The following NRG1 variants were observed in gnomAD, a reference collection of about 807,000 sequenced individuals.
The protein encoded by NRG1 is pro-neuregulin-1, membrane-bound isoform.
Under a neutral mutation model 63.8 loss-of-function variants are expected in NRG1, and 18 were observed. The observed-to-expected ratio is 0.28, with a 90% CI of 0.19 to 0.42. The LOEUF (loss-of-function observed/expected upper bound fraction) is 0.42. NRG1 is among the 10% of genes least tolerant of loss of function. The probability of loss-of-function intolerance (pLI) is 1.00; values close to 1 mark genes in which losing one functional copy is unlikely to be tolerated. For synonymous variants in NRG1, 302 were observed against 301.3 expected (o/e 1.00, Z -0.02); for missense variants, 762 against 814.7 (o/e 0.94, Z 0.79).
At chr8:31,876,278 C>A (rs1248176560) in intron 1 of NRG1, among the ~76,000 whole-genome samples, 1 of 152,146 alleles carries the variant, frequency 6.6e-6, no homozygotes, top group Non-Finnish European at 1.5e-5. Flanking sequence ...TATTGTGAAA[C>A]TTCAGTTTCC....
intron 1 of NRG1, among the ~76,000 whole-genome samples, chr8:31,653,262 C>T (rs1318429868): frequency 6.6e-6 from 1 of 151,940 alleles, no homozygotes; most frequent in African/African-American, 2.4e-5. Context: ...TGACTTGTGG[C>T]AAGTACTATG....
rs572895504 is a variant in NRG1 at position 32,565,470 on chromosome 8, T to A, written c.100+16644T>A. On this transcript the variant is annotated intron_variant, in intron 1 of 11. Transcript: ENST00000356819. The stretch of plus-strand genomic sequence containing the variant: ...GGACCTTCTTTCTCTGAACACTGGT[T>A]CTTTTTACTTCCCTCACGTTTCCCA... 3.9e-5 allele frequency among the ~76,000 whole-genome samples: 6 copies of A among 152,268 alleles called. No homozygotes were observed. The South Asian group carries it at 6.2e-4, about 16-fold the overall frequency.
intron 1 of NRG1, among the ~76,000 whole-genome samples, chr8:32,508,439 T>G (rs1828799360): frequency 6.6e-6 from 1 of 150,470 alleles, no homozygotes; most frequent in Non-Finnish European, 1.5e-5. Context: ...TACAGGTACC[T>G]GCCACCATAC....
chr8:31,730,931 A>G (rs1218462266), intron 1 of NRG1, among the ~76,000 whole-genome samples: 1 of 152,170 alleles, frequency 6.6e-6, no homozygotes, highest in East Asian at 1.9e-4. Context: ...ATTAATATAC[A>G]GGAAAAACAG....
chr8:32,366,377 C>A (rs1300299525), intron 1 of NRG1, among the ~76,000 whole-genome samples: 1 of 151,964 alleles, frequency 6.6e-6, no homozygotes, highest in Non-Finnish European at 1.5e-5. Flanking sequence ...CCTCTAGTAA[C>A]TACCATTTTA....
At chr8:32,221,847 AT>A (rs981514164) in intron 1 of NRG1, among the ~76,000 whole-genome samples, 6 of 151,632 alleles carry the variant, frequency 4.0e-5, no homozygotes, top group South Asian at 4.2e-4. Context: ...ATATCTTTAT[AT>A]TTTTTTTGCT....
At chr8:32,400,053 A>C (rs1269861562) in intron 1 of NRG1, among the ~76,000 whole-genome samples, 1 of 152,186 alleles carries the variant, frequency 6.6e-6, no homozygotes, top group Non-Finnish European at 1.5e-5. Flanking sequence ...TTGAGGTACC[A>C]ATACCAGTTT....
chr8:32,183,746 C>T (rs1205510758), intron 1 of NRG1, among the ~76,000 whole-genome samples: 1 of 152,132 alleles, frequency 6.6e-6, no homozygotes, highest in African/African-American at 2.4e-5. Flanking sequence ...AAGCTTATTA[C>T]CCATAAATCA....
chr8:31,977,671 A>T (rs1435174011), intron 1 of NRG1, among the ~76,000 whole-genome samples: 1 of 152,154 alleles, frequency 6.6e-6, no homozygotes, highest in East Asian at 1.9e-4. Flanking sequence ...TAGTAAACTA[A>T]AAATGAATGG....
At chr8:32,570,245 A>G (rs945394013) in intron 1 of NRG1, among the ~76,000 whole-genome samples, 10 of 152,080 alleles carry the variant, frequency 6.6e-5, no homozygotes, top group African/African-American at 2.4e-4. Context: ...TATAACATGC[A>G]TGTTCTGCTG....
intron 1 of NRG1, among the ~76,000 whole-genome samples, chr8:32,386,589 C>T (rs951952714): frequency 2.6e-5 from 4 of 152,240 alleles, no homozygotes; most frequent in Middle Eastern, 3.4e-3. Context: ...ATGGACAAAA[C>T]GGACAAACCT....
At chr8:32,181,807 C>T (rs1563880269) in intron 1 of NRG1, among the ~76,000 whole-genome samples, 1 of 151,718 alleles carries the variant, frequency 6.6e-6, no homozygotes, top group Non-Finnish European at 1.5e-5. Context: ...CAGAGATCAC[C>T]AGCACAAAAA....
intron 1 of NRG1, among the ~76,000 whole-genome samples, chr8:31,932,296 A>G (rs1045846576): frequency 1.3e-5 from 2 of 152,064 alleles, no homozygotes; most frequent in Admixed American, 6.6e-5. Flanking sequence ...CATCTCGCAA[A>G]TTTTCCGTAT....
downstream of NRG1, among the ~76,000 whole-genome samples, chr8:32,771,186 C>T (rs1468857157): frequency 2.0e-5 from 3 of 151,696 alleles, no homozygotes; most frequent in African/African-American, 7.3e-5. Context: ...TTTTAGCTCA[C>T]TGCAACCTGT....
chr8:31,648,124 CTTTTTTTTTTTTT>C (rs36074483), intron 1 of NRG1, among the ~76,000 whole-genome samples: 5 of 51,308 alleles, frequency 9.7e-5, no homozygotes, highest in African/African-American at 2.8e-4. Context: ...TTTGACTACT[CTTTTTTTTTTTTT>C]TTTTTTTTTT....
chr8:31,742,481 T>TTTTTTA (rs1815391455), intron 1 of NRG1, among the ~76,000 whole-genome samples: 3 of 134,216 alleles, frequency 2.2e-5, no homozygotes, highest in African/African-American at 8.0e-5. Context: ...TTTTTTTTTT[T>TTTTTTA]AACGAAAGCT....
At position 31,928,235 on chromosome 8, in the gene NRG1, C is replaced by A. The variant is rs1361480481; in HGVS notation, c.37+288804C>A. On this transcript the variant is annotated intron_variant, in intron 1 of 10. Coordinates refer to the NRG1 transcript ENST00000519301. ...AAGTTCCACTTGAAAGTGCTGTTGG[C>A]CATCACTAATCATGAGGGAAATGCA... 2.0e-5 allele frequency among the ~76,000 whole-genome samples: 3 copies of A among 151,118 alleles called. No individual in the cohort carries two copies. The East Asian group carries it at 5.8e-4, about 29-fold the overall frequency.
chr8:32,228,582 G>A (rs1846576962), intron 1 of NRG1, among the ~76,000 whole-genome samples: 1 of 152,078 alleles, frequency 6.6e-6, no homozygotes, highest in African/African-American at 2.4e-5. Flanking sequence ...GTGTGATACA[G>A]AACACCTGAT....
chr8:32,452,520 A>G (rs1006060684), intron 1 of NRG1, among the ~76,000 whole-genome samples: 7 of 152,240 alleles, frequency 4.6e-5, no homozygotes, highest in African/African-American at 1.7e-4. Context: ...TCTAGAGCAC[A>G]TAGGCTAGAG....
Sources: allele counts gnomAD v4.1 joint callset (sites outside exome capture counted in the v4.1 genomes callset), GRCh38; gene constraint gnomAD v4.1.1; transcripts MANE v1.5; gene names NCBI Gene and HGNC (gene_info 2026-07-23, HGNC 2026-07-21).